DTNA: variants seen among roughly 807,000 people sequenced by gnomAD.
DTNA encodes the protein dystrobrevin alpha, also known as dystrophin-related protein 3.
DTNA carries 43 observed loss-of-function variants against 100.7 expected under a neutral mutation model. The observed-to-expected ratio is 0.43, with a 90% CI of 0.33 to 0.55. The LOEUF is 0.55. DTNA is among the 20% of genes least tolerant of loss of function. The probability of loss-of-function intolerance (pLI) is 0.04; values close to 1 mark genes in which losing one functional copy is unlikely to be tolerated. For missense variants in DTNA, 798 were observed against 953.9 expected (o/e 0.84, Z 2.15); for synonymous variants, 349 against 347.9 (o/e 1.00, Z -0.04).
At chr18:34,765,928 G>A (rs759923372) in intron 2 of DTNA, 33 bp from the exon 3 acceptor site, 6 of 1,603,556 alleles carry the variant, frequency 3.7e-6, no homozygotes, top group African/African-American at 1.3e-5. Context: ...TGCACACATG[G>A]CATACCTTAT....
At chr18:34,715,816 A>T (rs1340062231) in intron 1 of DTNA, among the ~76,000 whole-genome samples, 1 of 152,320 alleles carries the variant, frequency 6.6e-6, no homozygotes, top group East Asian at 1.9e-4. Context: ...GAAAGAGAAA[A>T]AGTGAATATC....
At chr18:34,853,692 C>T (rs1374204503) in intron 15 of DTNA, among the ~76,000 whole-genome samples, 1 of 151,924 alleles carries the variant, frequency 6.6e-6, no homozygotes, top group East Asian at 1.9e-4. Context: ...AAGTTTGTCA[C>T]ATGTGATCCC....
At chr18:34,769,490 G>A (rs1487362444) in intron 3 of DTNA, among the ~76,000 whole-genome samples, 1 of 152,076 alleles carries the variant, frequency 6.6e-6, no homozygotes, top group Non-Finnish European at 1.5e-5. Flanking sequence ...CAAAATGTAG[G>A]TAGCATATTT....
intron 3 of DTNA, among the ~76,000 whole-genome samples, chr18:34,775,448 G>C (rs1043046268): frequency 7.2e-5 from 11 of 151,922 alleles, no homozygotes; most frequent in African/African-American, 2.4e-4. Context: ...ATTGCACCAC[G>C]GCACTCCTGG....
chr18:34,568,840 T>G (rs2047319204), intron 1 of DTNA, among the ~76,000 whole-genome samples: 1 of 152,096 alleles, frequency 6.6e-6, no homozygotes, highest in Admixed American at 6.5e-5. Flanking sequence ...GCCAGGCTGG[T>G]CTCAACCTCA....
At chr18:34,511,408 CT>C (rs2041078853) in intron 1 of DTNA, among the ~76,000 whole-genome samples, 1 of 151,972 alleles carries the variant, frequency 6.6e-6, no homozygotes, top group Non-Finnish European at 1.5e-5. Context: ...TCCTATGTAA[CT>C]TGTTGAATAT....
chr18:34,621,948 A>G (rs2147880947), intron 1 of DTNA, among the ~76,000 whole-genome samples: 1 of 152,320 alleles, frequency 6.6e-6, no homozygotes, highest in African/African-American at 2.4e-5. Flanking sequence ...GTCAAATAAT[A>G]AAGACAAAGT....
At chr18:34,828,837 C>T (rs2095925604) in intron 10 of DTNA, among the ~76,000 whole-genome samples, 2 of 152,096 alleles carry the variant, frequency 1.3e-5, no homozygotes, top group South Asian at 4.1e-4. Flanking sequence ...TTTTTAGAAT[C>T]ACCAGCAAAT....
chr18:34,863,973 A>G lies in DTNA; in HGVS notation c.1654A>G (p.Lys552Glu). ...LAELRLLRQR[K>E]DELEQRMSAL... ...CAGCTGCTTCTTTCTTAGACAGCGC[A>G]AAGATGAGCTGGAACAGAGAATGTC... is the stretch of plus-strand genomic sequence containing the variant. The change falls in exon 17 of 23, where the codon AAA (lysine) becomes GAA (glutamate). Residue 552 changes from lysine (K) to glutamate (E), a missense_variant. Lys to Glu is a moderately conservative substitution (Grantham distance 56). This residue lies in a region of DTNA where 26 missense variants were observed against 55.0 expected (regional missense o/e 0.47). Transcript: ENST00000444659. 2 of 1,610,454 alleles carry G rather than the reference A, an allele frequency of 1.2e-6. No individual in the cohort carries two copies. Among genetic ancestry groups the G allele is most frequent in the Non-Finnish European group, 8.5e-7 (1 of 1,178,238 alleles).
intron 1 of DTNA, among the ~76,000 whole-genome samples, chr18:34,581,639 TGTG>T (rs2048655160): frequency 6.7e-6 from 1 of 149,916 alleles, no homozygotes; most frequent in African/African-American, 2.5e-5. Flanking sequence ...TTTTTTTTTT[TGTG>T]ACGGAGTCTT....
chr18:34,590,356 G>T (rs1293532239), intron 1 of DTNA, among the ~76,000 whole-genome samples: 1 of 151,858 alleles, frequency 6.6e-6, no homozygotes, highest in Admixed American at 6.6e-5. Context: ...AATTATTTTT[G>T]CATAAAAAGT....
intron 3 of DTNA, among the ~76,000 whole-genome samples, chr18:34,790,937 G>A (rs1202382418): frequency 1.3e-5 from 2 of 152,116 alleles, no homozygotes; most frequent in Non-Finnish European, 2.9e-5. Context: ...AACCCAGAAA[G>A]TAAATCTCCC....
At chr18:34,579,154 AC>A (rs2048384794) in intron 1 of DTNA, among the ~76,000 whole-genome samples, 1 of 152,066 alleles carries the variant, frequency 6.6e-6, no homozygotes, top group South Asian at 2.1e-4. Flanking sequence ...CCATGTAAGA[AC>A]CTTTAAAAAG....
rs1231541282 is a variant in DTNA, at chr18:34,877,683, G to A, written c.1904-36G>A. 5.7e-6 allele frequency: 9 copies of A among 1,579,152 alleles called. No homozygotes were observed. The South Asian group carries it at 8.9e-5, about 16-fold the overall frequency. On this transcript the variant is annotated intron_variant, in intron 18 of 22. Transcript: ENST00000444659. Reference sequence around the variant, plus strand: ...ACATAAAAATTTAGGATAGAAGGAAGCTTTGGTTTTTTAAATTATTTCTTC... The same window carrying A: ...ACATAAAAATTTAGGATAGAAGGAAACTTTGGTTTTTTAAATTATTTCTTC...
Position 34,817,733 on chromosome 18 carries a change from C to T in DTNA, c.710-431C>T, listed in dbSNP as rs184569139. ...TTTCTTTTTTCTTCCTCTCATTCTCCGTGTCTCTGATATTCGCTCTCTTCC... is the reference window on the plus strand; with the variant it reads ...TTTCTTTTTTCTTCCTCTCATTCTCTGTGTCTCTGATATTCGCTCTCTTCC... On this transcript the variant is annotated intron_variant, in intron 7 of 22. Coordinates refer to ENST00000444659, the MANE Select transcript of DTNA (RefSeq NM_001386795.1). Among the ~76,000 whole-genome samples, 6 of 152,230 alleles carry T rather than the reference C, an allele frequency of 3.9e-5. No homozygotes were observed. In the East Asian group the frequency reaches 9.7e-4, roughly 24 times the overall value.
chr18:34,731,338 G>A (rs1416586482), intron 1 of DTNA, among the ~76,000 whole-genome samples: 1 of 152,026 alleles, frequency 6.6e-6, no homozygotes, highest in Non-Finnish European at 1.5e-5. Context: ...AATTAGCCGG[G>A]CGCGGTGGCG....
At position 34,698,145 on chromosome 18, in the gene DTNA, A is replaced by G. The variant is rs74821483; in HGVS notation, c.-1-57831A>G. Reference sequence around the variant, plus strand: ...CTCGTCCTGTGCCCAGTCATACAGAACCATTTGTCATCCCCCTGATGTGTC... The same window carrying G: ...CTCGTCCTGTGCCCAGTCATACAGAGCCATTTGTCATCCCCCTGATGTGTC... On this transcript the variant is annotated intron_variant, in intron 1 of 19. Coordinates refer to the DTNA transcript ENST00000283365. Among the ~76,000 whole-genome samples the G allele has an allele frequency of 6.8e-4, 103 of 152,232 alleles. 1 individual carries two copies. The East Asian group carries it at 0.012, about 17-fold the overall frequency.
chr18:34,783,177 A>G (rs2094397530), intron 3 of DTNA, among the ~76,000 whole-genome samples: 1 of 152,208 alleles, frequency 6.6e-6, no homozygotes, highest in Non-Finnish European at 1.5e-5. Context: ...TTTAAAAATA[A>G]TGGGCTTAAT....
intron 1 of DTNA, among the ~76,000 whole-genome samples, chr18:34,726,387 C>G (rs1484540199): frequency 6.6e-6 from 1 of 152,176 alleles, no homozygotes; most frequent in Non-Finnish European, 1.5e-5. Flanking sequence ...CAAGTCTTAC[C>G]TCATTCCAGC....
Sources: allele counts gnomAD v4.1 joint callset (sites outside exome capture counted in the v4.1 genomes callset), GRCh38; gene constraint gnomAD v4.1.1; regional missense constraint gnomAD v4.1.1; transcripts MANE v1.5; gene names NCBI Gene and HGNC (gene_info 2026-07-23, HGNC 2026-07-21).